The following LDB3 variants were observed in gnomAD, a reference collection of about 807,000 sequenced individuals.
The protein encoded by LDB3 is LIM domain binding 3.
Under a neutral mutation model 69.0 loss-of-function variants are expected in LDB3, and 49 were observed. The observed-to-expected ratio is 0.71, with a 90% CI of 0.56 to 0.90. The LOEUF (loss-of-function observed/expected upper bound fraction) is 0.90. LDB3 is among the 40% of genes least tolerant of loss of function. The pLI, the probability that LDB3 is intolerant of heterozygous loss-of-function variation, is 0.00. For missense variants in LDB3, 928 were observed against 974.1 expected, an observed-to-expected ratio of 0.95 and a Z score of 0.63; for synonymous variants, 387 against 396.2, an observed-to-expected ratio of 0.98 and a Z score of 0.28.
chr10:86,710,535 A>G (rs1030072989), intron 9 of LDB3, among the ~76,000 whole-genome samples: 4 of 152,224 alleles, frequency 2.6e-5, no homozygotes, highest in African/African-American at 9.7e-5. Flanking sequence ...GTGAGCCGAG[A>G]CTGCACCATT....
chr10:86,725,153 G>A (rs749651039), intron 12 of LDB3, among the ~76,000 whole-genome samples: 4 of 152,160 alleles, frequency 2.6e-5, no homozygotes, highest in African/African-American at 9.7e-5. Context: ...CTTTGTAAAC[G>A]GGATGGAGCT....
intron 9 of LDB3, among the ~76,000 whole-genome samples, chr10:86,714,140 G>A (rs527889404): frequency 6.6e-6 from 1 of 152,284 alleles, no homozygotes; most frequent in Admixed American, 6.5e-5. Context: ...AACCTTGTGA[G>A]ATACTAAGAA....
At position 86,681,642 on chromosome 10, in the gene LDB3, G is replaced by C. The variant is rs557479871; in HGVS notation, c.528G>C (p.Gly176=). The C allele has an allele frequency of 6.2e-7, 1 of 1,613,218 alleles. No individual in the cohort carries two copies. The highest frequency in any genetic ancestry group is 1.7e-5 in the Admixed American group (1 of 60,022). The change falls in exon 5 of 14, where the codon GGG becomes GGC. Residue 176 remains glycine, a synonymous_variant. Coordinates refer to ENST00000361373, the MANE Select transcript of LDB3 (RefSeq NM_007078.3). ...TGAGGGCCAAGACCAGCCCAGAGGG[G>C]GCCCGGGACCTACTCGGCCCAAAAG... The part of the protein sequence containing the change: ...ASLRAKTSPE[G]ARDLLGPKAL...
Position 86,735,889 on chromosome 10 carries a change from T to A in LDB3, c.*2913T>A, listed in dbSNP as rs1401681678. 1 of 152,070 alleles carries A rather than the reference T, an allele frequency of 6.6e-6. No individual in the cohort carries two copies. The highest frequency in any genetic ancestry group is 2.4e-5 in the African/African-American group (1 of 41,438). 9.4% of individuals were successfully genotyped at this position (152,070 alleles called of 1,614,324 possible). Reference sequence around the variant, plus strand: ...TGTTAGGAACCTAGCTTTTATAATGTGTTAACTTTTTAACTCAGTATTCTG... The same window carrying A: ...TGTTAGGAACCTAGCTTTTATAATGAGTTAACTTTTTAACTCAGTATTCTG... On this transcript the variant is annotated 3_prime_UTR_variant, in exon 14 of 14. Coordinates refer to ENST00000361373, the MANE Select transcript of LDB3 (RefSeq NM_007078.3).
At chr10:86,672,553 C>T (rs1348792147) in intron 2 of LDB3, among the ~76,000 whole-genome samples, 2 of 152,210 alleles carry the variant, frequency 1.3e-5, no homozygotes, top group African/African-American at 2.4e-5. Flanking sequence ...GCTGACAGGC[C>T]GTGCTGTTTA....
intron 2 of LDB3, among the ~76,000 whole-genome samples, chr10:86,672,554 G>A (rs551940974): frequency 3.3e-5 from 5 of 152,358 alleles, no homozygotes; most frequent in African/African-American, 4.8e-5. Flanking sequence ...CTGACAGGCC[G>A]TGCTGTTTAT....
Position 86,726,148 on chromosome 10 carries a change from C to T in LDB3, c.1990C>T (p.Leu664=), listed in dbSNP as rs1443798696. 2 of 1,613,592 alleles carry T rather than the reference C, an allele frequency of 1.2e-6. No homozygotes were observed. Among genetic ancestry groups the T allele is most frequent in the Admixed American group, 1.7e-5 (1 of 60,020 alleles). Residue 664 remains leucine (L), a synonymous_variant, in exon 13 of 14, where the codon CTG becomes TTG. Transcript: ENST00000361373. ...GCTTTTCATTTCAGACTACATCAAT[C>T]TGTTCAGCACCAAGTGCCATGGCTG... ...EPYCEKDYIN[L]FSTKCHGCDF... is the part of the protein sequence containing the mutation.
chr10:86,678,774 A>G (rs1844946599), intron 2 of LDB3, among the ~76,000 whole-genome samples: 1 of 152,064 alleles, frequency 6.6e-6, no homozygotes. Context: ...GAGTAGCTAG[A>G]ACTACAGCCA....
In LDB3 at chr10:86,680,110, A is replaced by G. The variant is rs1439455412; in HGVS notation, c.274A>G (p.Thr92Ala). Residue 92 changes from threonine to alanine, a missense_variant, in exon 4 of 14, where the codon ACA (threonine) becomes GCA (alanine). By Grantham distance (58) the Thr-to-Ala change is moderately conservative. Transcript: ENST00000361373. The stretch of plus-strand genomic sequence containing the variant: ...AAAGCGTCCCATTCCCATCTCCACG[A>G]CAGCACCTCCAGTCCAGACCCCTCT... ...KSKRPIPIST[T>A]APPVQTPLPV... 7 of 1,614,168 alleles carry G rather than the reference A, an allele frequency of 4.3e-6. No individual in the cohort carries two copies. The South Asian group carries it at 7.7e-5, about 18-fold the overall frequency.
At chr10:86,669,758 C>G (rs1352259938) in intron 2 of LDB3, among the ~76,000 whole-genome samples, 1 of 152,248 alleles carries the variant, frequency 6.6e-6, no homozygotes, top group Non-Finnish European at 1.5e-5. Context: ...AGCCCCTGAC[C>G]GTGCTGTTCC....
At chr10:86,674,527 G>C (rs11592193) in intron 2 of LDB3, among the ~76,000 whole-genome samples, 1 of 152,170 alleles carries the variant, frequency 6.6e-6, no homozygotes, top group East Asian at 1.9e-4. Context: ...CTTTCTTGGG[G>C]GCTTTGGAGA....
intron 2 of LDB3, among the ~76,000 whole-genome samples, chr10:86,675,178 GCAAGCATCCCCCCGGCC>G (rs1421900123): frequency 2.1e-5 from 3 of 142,458 alleles, no homozygotes; most frequent in African/African-American, 2.4e-5. Flanking sequence ...TCCCTTGGGA[GCAAGCATCCCCCCGGCC>G]CATACCTGAG....
intron 9 of LDB3, among the ~76,000 whole-genome samples, chr10:86,716,102 C>G (rs1487020349): frequency 6.6e-6 from 1 of 152,126 alleles, no homozygotes; most frequent in Admixed American, 6.5e-5. Flanking sequence ...CTTTTCCAGC[C>G]CTGTCGAGGG....
intron 12 of LDB3, among the ~76,000 whole-genome samples, chr10:86,721,093 A>G (rs1485087275): frequency 6.6e-6 from 1 of 152,198 alleles, no homozygotes; most frequent in East Asian, 1.9e-4. Context: ...TACAGGCATG[A>G]GCCACCGTGC....
At chr10:86,679,064 T>A (rs935149450) in intron 2 of LDB3, among the ~76,000 whole-genome samples, 3 of 152,050 alleles carry the variant, frequency 2.0e-5, no homozygotes, top group Non-Finnish European at 2.9e-5. Context: ...AAGCAGAGAG[T>A]GTGCAGGATC....
At chr10:86,709,777 T>C in intron 8 of LDB3, 128 bp from the exon 9 acceptor site, 3 of 1,008,518 alleles carry the variant, frequency 3.0e-6, no homozygotes, top group South Asian at 2.8e-5. Context: ...TTTCTGGCAG[T>C]TCCCCAGAAA....
chr10:86,675,296 A>G (rs1324289234), intron 2 of LDB3, among the ~76,000 whole-genome samples: 1 of 152,216 alleles, frequency 6.6e-6, no homozygotes, highest in East Asian at 1.9e-4. Flanking sequence ...CTGTGGGAGA[A>G]AGATGTCTCT....
chr10:86,704,795 G>C (rs374459837), intron 7 of LDB3, among the ~76,000 whole-genome samples: 1 of 151,416 alleles, frequency 6.6e-6, no homozygotes, highest in East Asian at 2.0e-4. Flanking sequence ...TGTTAGCCAG[G>C]ATGGTCTCGA....
chr10:86,685,447 C>G (rs1273130424), intron 5 of LDB3, among the ~76,000 whole-genome samples: 2 of 152,186 alleles, frequency 1.3e-5, no homozygotes, highest in Non-Finnish European at 2.9e-5. Context: ...ACTGGGGACC[C>G]CTCAAGAGGG....
Sources: gnomAD v4.1 joint callset for allele counts (sites outside exome capture counted in the v4.1 genomes callset) on GRCh38, gnomAD v4.1.1 for gene constraint, MANE v1.5 for transcripts, NCBI Gene and HGNC (gene_info 2026-07-23, HGNC 2026-07-21) for gene names.